Variants in GRAMD4 observed in about 807,000 individuals in gnomAD.
GRAMD4 encodes the protein GRAM domain containing 4.
A neutral mutation model predicts 83.9 loss-of-function variants in GRAMD4; 25 were observed. The ratio of observed to expected loss-of-function variants is 0.30; its 90% CI spans 0.22 to 0.42. The LOEUF (loss-of-function observed/expected upper bound fraction) is 0.42. Ranked by LOEUF, GRAMD4 falls within the 10% of genes least tolerant of loss-of-function variation. The probability of loss-of-function intolerance (pLI) is 1.00; values close to 1 mark genes in which losing one functional copy is unlikely to be tolerated. For synonymous variants in GRAMD4, 336 were observed against 320.9 expected, an observed-to-expected ratio of 1.05 and a Z score of -0.50; for missense variants, 593 against 788.7, an observed-to-expected ratio of 0.75 and a Z score of 2.97.
intron 3 of GRAMD4, among the ~76,000 whole-genome samples, chr22:46,652,970 C>T (rs1334294398): frequency 1.3e-5 from 2 of 152,124 alleles, no homozygotes; most frequent in Admixed American, 6.5e-5. Context: ...GCGATGGAGT[C>T]GTGGGGCGTG....
Position 46,648,116 on chromosome 22 carries a change from G to A in GRAMD4, c.284-10071G>A, listed in dbSNP as rs548732137. On this transcript the variant is annotated intron_variant, in intron 3 of 18. Coordinates refer to ENST00000406902, the MANE Select transcript of GRAMD4 (RefSeq NM_015124.5). ...TAAGTGGATAGGTAGATGGGTGGACGGGTGGGTGGATGGGTAGATGGATGC... is the reference window on the plus strand; with the variant it reads ...TAAGTGGATAGGTAGATGGGTGGACAGGTGGGTGGATGGGTAGATGGATGC... Among the ~76,000 whole-genome samples the A allele has an allele frequency of 2.6e-5, 4 of 151,870 alleles. No individual in the cohort carries two copies. The East Asian group carries it at 7.7e-4, about 29-fold the overall frequency.
intron 1 of GRAMD4, among the ~76,000 whole-genome samples, chr22:46,602,719 T>G (rs938561713): frequency 6.6e-6 from 1 of 151,544 alleles, no homozygotes; most frequent in African/African-American, 2.4e-5. Flanking sequence ...TTACATTTGT[T>G]TAAGGGCTGT....
chr22:46,597,541 G>C (rs1464375257), intron 1 of GRAMD4, among the ~76,000 whole-genome samples: 1 of 152,130 alleles, frequency 6.6e-6, no homozygotes, highest in African/African-American at 2.4e-5. Flanking sequence ...CCAGGCTGGA[G>C]TGCAGTGGCG....
chr22:46,644,333 C>T (rs1215677993), intron 3 of GRAMD4, among the ~76,000 whole-genome samples: 1 of 151,772 alleles, frequency 6.6e-6, no homozygotes, highest in Non-Finnish European at 1.5e-5. Flanking sequence ...CCGTGTTACA[C>T]CTGTTTCTGT....
chr22:46,681,372 AG>A (rs1286403101), downstream of GRAMD4, among the ~76,000 whole-genome samples: 3 of 152,274 alleles, frequency 2.0e-5, no homozygotes, highest in Non-Finnish European at 2.9e-5. Context: ...GTGTCAATAA[AG>A]GTGCCTACAT....
chr22:46,663,502 G>C (rs1163286179), intron 6 of GRAMD4, among the ~76,000 whole-genome samples: 1 of 152,222 alleles, frequency 6.6e-6, no homozygotes, highest in African/African-American at 2.4e-5. Context: ...TCCCCTGCCA[G>C]GTGCTGCCAT....
chr22:46,588,256 C>T (rs889708461), intron 1 of GRAMD4, among the ~76,000 whole-genome samples: 1 of 151,886 alleles, frequency 6.6e-6, no homozygotes, highest in Admixed American at 6.6e-5. Flanking sequence ...GCCCAGCGTC[C>T]CCCACAACCC....
chr22:46,606,532 T>C (rs2081366728), intron 1 of GRAMD4, among the ~76,000 whole-genome samples: 1 of 51,376 alleles, frequency 1.9e-5, no homozygotes. Flanking sequence ...TGCATGGGTT[T>C]ATTGACCGGT....
At position 46,626,798 on chromosome 22, in the gene GRAMD4, AC is replaced by A. The variant is rs766307540; in HGVS notation, c.-1del. ...GTGAAGCAGAGGACCTCAGTGCTGA[AC>A]ATGCTAAGGAGGTTGGACAAAATCA... On this transcript the variant is annotated 5_prime_UTR_variant, in exon 2 of 19. Coordinates refer to ENST00000406902, the MANE Select transcript of GRAMD4 (RefSeq NM_015124.5). 1 of 1,613,820 alleles carries A rather than the reference AC, an allele frequency of 6.2e-7. No individual in the cohort carries two copies. The highest frequency in any genetic ancestry group is 1.7e-5 in the Admixed American group (1 of 60,010).
chr22:46,644,763 C>T (rs1376580865), intron 3 of GRAMD4, among the ~76,000 whole-genome samples: 12 of 132,534 alleles, frequency 9.1e-5, no homozygotes, highest in African/African-American at 3.2e-4. Context: ...GATAGGGTCT[C>T]GCTCTGTCAC....
chr22:46,577,891 CGTGG>C (rs2081060092), intron 1 of GRAMD4, among the ~76,000 whole-genome samples: 2 of 152,196 alleles, frequency 1.3e-5, no homozygotes, highest in South Asian at 4.1e-4. Context: ...CCTGCCAGAA[CGTGG>C]GGTGCAGTGT....
chr22:46,616,806 G>C (rs1601567198), upstream of GRAMD4, among the ~76,000 whole-genome samples: 2 of 141,404 alleles, frequency 1.4e-5, no homozygotes, highest in African/African-American at 2.7e-5. Flanking sequence ...GTTCCCCTGT[G>C]TGTGTAGGTT....
intron 4 of GRAMD4, among the ~76,000 whole-genome samples, chr22:46,660,927 T>C (rs961780822): frequency 6.6e-6 from 1 of 152,200 alleles, no homozygotes; most frequent in African/African-American, 2.4e-5. Context: ...CTAGTGCCCC[T>C]GCCCAGTCCA....
upstream of GRAMD4, among the ~76,000 whole-genome samples, chr22:46,576,779 C>T (rs1253890448): frequency 4.3e-5 from 2 of 46,880 alleles, no homozygotes; most frequent in Non-Finnish European, 7.8e-5. Flanking sequence ...GAGGCCACAG[C>T]AGCGAGCGTG....
At chr22:46,644,592 T>C (rs1457343230) in intron 3 of GRAMD4, among the ~76,000 whole-genome samples, 1 of 152,176 alleles carries the variant, frequency 6.6e-6, no homozygotes, top group East Asian at 1.9e-4. Context: ...CTGTCCCGGG[T>C]TACATCTGTC....
rs558233933 is a variant in GRAMD4 at position 46,673,706 on chromosome 22, G to T, written c.1276G>T (p.Ala426Ser). 2 of 1,612,776 alleles carry T rather than the reference G, an allele frequency of 1.2e-6. No individual in the cohort carries two copies. Among genetic ancestry groups the T allele is most frequent in the Non-Finnish European group, 1.7e-6 (2 of 1,179,814 alleles). The change falls in exon 15 of 19, where the codon GCA (alanine) becomes TCA (serine). Residue 426 changes from alanine to serine, a missense_variant. By Grantham distance (99) the Ala-to-Ser change is moderately conservative. This residue lies in a region of GRAMD4 where 171 missense variants were observed against 199.6 expected (regional missense o/e 0.86). Transcript: ENST00000406902. ...CTCGTCACGGAGCTACGTACCCAGC[G>T]CACCGGCCGGCCTGGGTAAAGAGGA... Reference protein sequence around the residue: ...TTSSRSYVPSAPAGLGKEEDA... With the variant: ...TTSSRSYVPSSPAGLGKEEDA...
chr22:46,629,260 C>T (rs568337211), intron 2 of GRAMD4, among the ~76,000 whole-genome samples: 3 of 152,252 alleles, frequency 2.0e-5, no homozygotes, highest in East Asian at 3.9e-4. Context: ...CCTCAGTATC[C>T]TCAGCTTTTA....
chr22:46,676,448 A>T, intron 17 of GRAMD4, 152 bp from the exon 18 acceptor site: 1 of 645,094 alleles, frequency 1.6e-6, no homozygotes, highest in Non-Finnish European at 2.7e-6. Context: ...AGGTGTCCAC[A>T]GGCCCTTACC....
chr22:46,679,901 C>T, downstream of GRAMD4: 3 of 480,186 alleles, frequency 6.2e-6, no homozygotes, highest in Non-Finnish European at 8.2e-6. Context: ...TCCCTGGGGC[C>T]CCACGGCTGC....
Sources: gnomAD v4.1 joint callset for allele counts (sites outside exome capture counted in the v4.1 genomes callset) on GRCh38, gnomAD v4.1.1 for gene constraint, gnomAD v4.1.1 regional missense constraint, MANE v1.5 for transcripts, NCBI Gene and HGNC (gene_info 2026-07-23, HGNC 2026-07-21) for gene names.